The following M1AP variants were observed in gnomAD, a reference collection of about 807,000 sequenced individuals.
M1AP encodes the protein meiosis 1 arrest protein.
Under a neutral mutation model 51.2 loss-of-function variants are expected in M1AP, and 39 were observed. The ratio of observed to expected loss-of-function variants is 0.76; its 90% CI spans 0.59 to 1.00. The LOEUF (loss-of-function observed/expected upper bound fraction) is 1.00, where lower values mean the gene tolerates loss of function less well. Ranked by LOEUF, M1AP falls within the 50% of genes least tolerant of loss-of-function variation. M1AP has a pLI of 0.00. For synonymous variants in M1AP, 251 were observed against 249.2 expected, an observed-to-expected ratio of 1.01 and a Z score of -0.07; for missense variants, 545 against 641.2, an observed-to-expected ratio of 0.85 and a Z score of 1.62.
intron 4 of M1AP, among the ~76,000 whole-genome samples, chr2:74,588,398 C>T (rs1160007967): frequency 6.6e-6 from 1 of 152,192 alleles, no homozygotes; most frequent in Non-Finnish European, 1.5e-5. Flanking sequence ...TTACAATTAG[C>T]TGTCTACTCT....
chr2:74,602,697 G>T (rs1190361380), intron 4 of M1AP, among the ~76,000 whole-genome samples: 1 of 152,066 alleles, frequency 6.6e-6, no homozygotes, highest in African/African-American at 2.4e-5. Context: ...TTAATTATGA[G>T]GAAAGCACAG....
chr2:74,559,534 A>G (rs1677764701), intron 10 of M1AP, among the ~76,000 whole-genome samples, 164 bp downstream of exon 10: 1 of 152,224 alleles, frequency 6.6e-6, no homozygotes, highest in Admixed American at 6.5e-5. Context: ...AGGAAGCCCA[A>G]ATATTATATA....
chr2:74,598,432 T>G (rs1275155637), intron 4 of M1AP, among the ~76,000 whole-genome samples: 2 of 150,118 alleles, frequency 1.3e-5, no homozygotes, highest in Non-Finnish European at 2.9e-5. Context: ...TTTGTTACTT[T>G]AAATAACACT....
At chr2:74,614,867 T>G in intron 3 of M1AP, 97 bp downstream of exon 3, 1 of 1,131,290 alleles carries the variant, frequency 8.8e-7, no homozygotes. Flanking sequence ...ACATCTAGAG[T>G]GAATGAAAGA....
chr2:74,615,457 T>C (rs2104740738), intron 2 of M1AP: 1 of 306,878 alleles, frequency 3.3e-6, no homozygotes, highest in South Asian at 4.0e-5. Flanking sequence ...TTAGTTTTAC[T>C]TTGGGGTGAC....
intron 4 of M1AP, among the ~76,000 whole-genome samples, chr2:74,600,046 G>A (rs750776196): frequency 1.7e-4 from 26 of 152,074 alleles, no homozygotes; most frequent in Non-Finnish European, 3.1e-4. Context: ...TTACAGGTAT[G>A]AGCCATCACA....
intron 2 of M1AP, among the ~76,000 whole-genome samples, chr2:74,632,105 T>G (rs78872709): frequency 6.6e-6 from 1 of 152,224 alleles, no homozygotes; most frequent in Middle Eastern, 3.2e-3. Flanking sequence ...GAAAGAAATT[T>G]TGGCTTTCAA....
chr2:74,569,415 C>G (rs967030467), intron 7 of M1AP, among the ~76,000 whole-genome samples: 4 of 132,176 alleles, frequency 3.0e-5, no homozygotes, highest in Non-Finnish European at 6.3e-5. Flanking sequence ...GAGTCTCACT[C>G]TATCACCCAG....
chr2:74,611,462 A>G (rs917614666), intron 3 of M1AP, among the ~76,000 whole-genome samples: 16 of 152,142 alleles, frequency 1.1e-4, no homozygotes, highest in Admixed American at 1.3e-4. Context: ...ATTTGTTGAC[A>G]TATAGTTCTT....
chr2:74,632,303 G>A (rs1046088241), intron 2 of M1AP, among the ~76,000 whole-genome samples: 4 of 152,180 alleles, frequency 2.6e-5, no homozygotes, highest in African/African-American at 7.2e-5. Context: ...TTGCAGTCAA[G>A]GATTCAGAAC....
At chr2:74,580,368 T>C (rs1679327265) in intron 5 of M1AP, among the ~76,000 whole-genome samples, 1 of 152,034 alleles carries the variant, frequency 6.6e-6, no homozygotes. Context: ...CAGGGAGAAA[T>C]TGGTACTATC....
intron 5 of M1AP, among the ~76,000 whole-genome samples, chr2:74,579,192 G>A (rs1441931643): frequency 6.6e-6 from 1 of 152,226 alleles, no homozygotes; most frequent in African/African-American, 2.4e-5. Context: ...GAAAGACAGA[G>A]GGGAAGCTAG....
At chr2:74,630,801 G>A (rs1487566948) in intron 2 of M1AP, among the ~76,000 whole-genome samples, 1 of 152,108 alleles carries the variant, frequency 6.6e-6, no homozygotes, top group Non-Finnish European at 1.5e-5. Flanking sequence ...ACACATGTGT[G>A]CATGTATCTT....
chr2:74,578,113 C>G (rs1403155280), intron 5 of M1AP, among the ~76,000 whole-genome samples: 1 of 152,172 alleles, frequency 6.6e-6, no homozygotes, highest in African/African-American at 2.4e-5. Flanking sequence ...GTAATGCTTG[C>G]TCACCTGCTG....
At chr2:74,564,592 A>C (rs1678254317) in intron 7 of M1AP, among the ~76,000 whole-genome samples, 2 of 152,214 alleles carry the variant, frequency 1.3e-5, no homozygotes, top group Non-Finnish European at 2.9e-5. Context: ...CTTTCTTAGC[A>C]TTTTGCTTCT....
At chr2:74,584,779 G>A (rs1679606945) in intron 4 of M1AP, among the ~76,000 whole-genome samples, 1 of 147,756 alleles carries the variant, frequency 6.8e-6, no homozygotes, top group Non-Finnish European at 1.5e-5. Flanking sequence ...GGCAAGATTT[G>A]GCTGTAGCCT....
chr2:74,583,273 G>T (rs1327651897), intron 4 of M1AP, among the ~76,000 whole-genome samples: 6 of 152,144 alleles, frequency 3.9e-5, no homozygotes, highest in Admixed American at 3.9e-4. Context: ...GATGAATTTT[G>T]GGGTATCCCC....
Position 74,580,445 on chromosome 2 carries a change from T to TA in M1AP, c.769+1228dup, listed in dbSNP as rs1679331234. ...TATTTTACACAAAGAAAAGACAGATTAAAATCAAGTTAAGTTGGCAAAGAC... is the reference window on the plus strand; with the variant it reads ...TATTTTACACAAAGAAAAGACAGATTAAAAATCAAGTTAAGTTGGCAAAGAC... On this transcript the variant is annotated intron_variant, in intron 5 of 10. Coordinates refer to ENST00000421985, the MANE Select transcript of M1AP (RefSeq NM_001321739.2). 2.6e-5 allele frequency among the ~76,000 whole-genome samples: 4 copies of TA among 152,028 alleles called. No homozygotes were observed. In the South Asian group the frequency reaches 8.3e-4, roughly 32 times the overall value.
At chr2:74,638,321 C>T (rs978948903) in intron 2 of M1AP, among the ~76,000 whole-genome samples, 3 of 152,158 alleles carry the variant, frequency 2.0e-5, no homozygotes, top group African/African-American at 7.2e-5. Context: ...TTCTAAGTCT[C>T]ACCTCATTGA....
Sources: allele counts gnomAD v4.1 joint callset (sites outside exome capture counted in the v4.1 genomes callset), GRCh38; gene constraint gnomAD v4.1.1; transcripts MANE v1.5; gene names NCBI Gene and HGNC (gene_info 2026-07-23, HGNC 2026-07-21).